Variants in ASXL1 observed in about 807,000 individuals in gnomAD.
ASXL1 encodes the protein ASXL transcriptional regulator 1.
In ASXL1, 65 loss-of-function variants were observed where a neutral mutation model predicts 89.1. The observed-to-expected ratio is 0.73, with a 90% CI of 0.60 to 0.90. ASXL1 has a LOEUF of 0.90. Among genes scored for constraint, ASXL1 ranks in the 40% least tolerant of loss-of-function variants. ASXL1 has a pLI of 0.00. For missense variants in ASXL1, 1,786 were observed against 1,942.9 expected, an observed-to-expected ratio of 0.92 and a Z score of 1.52; for synonymous variants, 739 against 746.9, an observed-to-expected ratio of 0.99 and a Z score of 0.17.
At position 32,433,739 on chromosome 20, in the gene ASXL1, CTG is replaced by C. The variant is rs777537805; in HGVS notation, c.1544_1545del (p.Val515GlyfsTer13). 5.0e-6 allele frequency: 8 copies of C among 1,613,832 alleles called. No homozygotes were observed. Among genetic ancestry groups the C allele is most frequent in the Admixed American group, 3.3e-5 (2 of 59,982 alleles). On this transcript the variant is annotated frameshift_variant, in exon 12 of 13. Coordinates refer to ENST00000375687, the MANE Select transcript of ASXL1 (RefSeq NM_015338.6). LOFTEE classifies it high-confidence loss of function. ...AGAATTCCTAGCCTGCCTCAGGAAA[CTG>C]TGGATCAGGAACCCAAGGATCAGAA...
chr20:32,398,482 C>G lies in ASXL1; in HGVS notation c.252+29359C>G, dbSNP rs182625173. 1.9e-3 allele frequency among the ~76,000 whole-genome samples: 295 copies of G among 152,234 alleles called. 4 individuals carry two copies. The highest frequency in any genetic ancestry group is 0.015 in the Admixed American group (230 of 15,298). On this transcript the variant is annotated intron_variant, in intron 4 of 12. Coordinates refer to ENST00000375687, the MANE Select transcript of ASXL1 (RefSeq NM_015338.6). ...ATTTTTCTCTCTGTCCTTTTCCCTT[C>G]ACTCGCTTCTGGCAAACACCAGTCT...
chr20:32,389,374 TG>T (rs927291952), intron 4 of ASXL1, among the ~76,000 whole-genome samples: 5 of 152,194 alleles, frequency 3.3e-5, no homozygotes, highest in African/African-American at 9.7e-5. Context: ...GTATTTGGGT[TG>T]TTTCTGGTTC....
At position 32,358,463 on chromosome 20, in the gene ASXL1, C is replaced by G. The variant is rs994459675; in HGVS notation, c.-313C>G. ...CAGAGCGGGAAAGCGGAGGCCGGAG[C>G]CGTGACCTCTGACCCCGTGGTTATG... On this transcript the variant is annotated 5_prime_UTR_variant, in exon 1 of 13. Transcript: ENST00000375687. The G allele has an allele frequency of 8.6e-6, 2 of 231,908 alleles. No homozygotes were observed. The highest frequency in any genetic ancestry group is 4.4e-5 in the African/African-American group (2 of 45,180). 14.4% of individuals were successfully genotyped at this position (231,908 alleles called of 1,614,324 possible).
chr20:32,428,922 A>G, intron 6 of ASXL1: 1 of 320,134 alleles, frequency 3.1e-6, no homozygotes, highest in South Asian at 2.7e-5. Context: ...CAGCCTCCCA[A>G]AGTGCTGGGA....
intron 4 of ASXL1, among the ~76,000 whole-genome samples, chr20:32,375,303 G>T (rs930375234): frequency 3.9e-5 from 6 of 152,066 alleles, no homozygotes; most frequent in Non-Finnish European, 8.8e-5. Flanking sequence ...CAAAAAATTA[G>T]CTGGGTGTGG....
chr20:32,426,554 CTTTTTTTTT>C (rs1177815042), intron 4 of ASXL1, among the ~76,000 whole-genome samples: 9 of 83,954 alleles, frequency 1.1e-4, no homozygotes, highest in African/African-American at 3.6e-4. Flanking sequence ...TTTTTTCTTT[CTTTTTTTTT>C]TTTTTTTTTT....
chr20:32,431,216 T>A, intron 8 of ASXL1, 105 bp from the exon 9 acceptor site: 1 of 1,361,556 alleles, frequency 7.3e-7, no homozygotes, highest in Non-Finnish European at 1.0e-6. Flanking sequence ...TGTGTGCAGA[T>A]AACTCCTGGG....
At chr20:32,424,994 C>T (rs924491794) in intron 4 of ASXL1, among the ~76,000 whole-genome samples, 4 of 151,996 alleles carry the variant, frequency 2.6e-5, no homozygotes, top group East Asian at 3.9e-4. Flanking sequence ...CTGAAGGTAA[C>T]TTCTGTCTTG....
intron 1 of ASXL1, chr20:32,359,680 CGTT>C (rs1374124573): frequency 4.2e-6 from 3 of 717,774 alleles, no homozygotes; most frequent in East Asian, 2.7e-5. Flanking sequence ...TGTTGGGAGA[CGTT>C]GTTCACTGAG....
chr20:32,409,077 G>A (rs368874310), intron 4 of ASXL1, among the ~76,000 whole-genome samples: 3 of 152,116 alleles, frequency 2.0e-5, no homozygotes, highest in Non-Finnish European at 4.4e-5. Context: ...AGTTTCAAGC[G>A]ATTCACCTGC....
intron 4 of ASXL1, among the ~76,000 whole-genome samples, chr20:32,402,900 C>T (rs900757279): frequency 6.6e-6 from 1 of 152,110 alleles, no homozygotes; most frequent in African/African-American, 2.4e-5. Flanking sequence ...GAGTGTGCTT[C>T]ATAGAGCAAA....
At chr20:32,366,960 T>C (rs915785371) in intron 2 of ASXL1, among the ~76,000 whole-genome samples, 1 of 152,178 alleles carries the variant, frequency 6.6e-6, no homozygotes, top group African/African-American at 2.4e-5. Flanking sequence ...GACCTTTATT[T>C]TCCAAATTTA....
chr20:32,392,897 T>A (rs1293722847), intron 4 of ASXL1, among the ~76,000 whole-genome samples: 1 of 152,118 alleles, frequency 6.6e-6, no homozygotes, highest in Non-Finnish European at 1.5e-5. Context: ...CAGAATAAGG[T>A]GTCTTGATAA....
chr20:32,376,415 T>C (rs1172667265), intron 4 of ASXL1, among the ~76,000 whole-genome samples: 1 of 151,852 alleles, frequency 6.6e-6, no homozygotes, highest in East Asian at 1.9e-4. Context: ...GCTGGGATTA[T>C]ATGCGTGAGC....
chr20:32,383,708 G>A (rs1042486323), intron 4 of ASXL1, among the ~76,000 whole-genome samples: 1 of 152,208 alleles, frequency 6.6e-6, no homozygotes, highest in Non-Finnish European at 1.5e-5. Context: ...AGCACCTCAT[G>A]TATTACTTGG....
chr20:32,392,114 G>T (rs947913533), intron 4 of ASXL1, among the ~76,000 whole-genome samples: 2 of 151,666 alleles, frequency 1.3e-5, no homozygotes, highest in Admixed American at 6.6e-5. Flanking sequence ...CTAGCTATTT[G>T]TTATTTATTT....
At chr20:32,365,790 G>C (rs1165774188) in intron 1 of ASXL1, among the ~76,000 whole-genome samples, 1 of 152,138 alleles carries the variant, frequency 6.6e-6, no homozygotes, top group Admixed American at 6.5e-5. Flanking sequence ...ATGGCAGAAC[G>C]TACTGTGGCA....
intron 4 of ASXL1, among the ~76,000 whole-genome samples, chr20:32,377,675 C>T (rs980238246): frequency 9.9e-5 from 15 of 151,204 alleles, no homozygotes; most frequent in South Asian, 2.1e-4. Flanking sequence ...TTTTTTGAGA[C>T]GGAGTCTCAC....
At position 32,433,383 on chromosome 20, in the gene ASXL1, A is replaced by G. The variant is rs2011590058; in HGVS notation, c.1185A>G (p.Ile395Met). 6.2e-7 allele frequency: 1 copy of G among 1,614,198 alleles called. No individual in the cohort carries two copies. Among genetic ancestry groups the G allele is most frequent in the Non-Finnish European group, 8.5e-7 (1 of 1,180,034 alleles). The part of the protein sequence containing the change: ...GLCVPGESVR[I>M]QRGPATRQRD... ...GTGTCCCAGGAGAATCAGTGCGTAT[A>G]CAGCGTGGTCCAGCCACCCGACAGC... The change falls in exon 12 of 13, where the codon ATA becomes ATG. Residue 395 changes from isoleucine (I) to methionine (M), a missense_variant. This residue lies in a region of ASXL1 where 1,418 missense variants were observed against 1,427.8 expected (regional missense o/e 0.99). Transcript: ENST00000375687.
Sources: gnomAD v4.1 joint callset for allele counts (sites outside exome capture counted in the v4.1 genomes callset) on GRCh38, gnomAD v4.1.1 for gene constraint, gnomAD v4.1.1 regional missense constraint, MANE v1.5 for transcripts, NCBI Gene and HGNC (gene_info 2026-07-23, HGNC 2026-07-21) for gene names.